RFFL: variants seen among roughly 807,000 people sequenced by gnomAD.
RFFL encodes the protein ring finger and FYVE like domain containing E3 ubiquitin protein ligase.
Under a neutral mutation model 40.4 loss-of-function variants are expected in RFFL, and 16 were observed. The observed-to-expected ratio is 0.40, with a 90% CI of 0.27 to 0.60. The LOEUF is 0.60. Ranked by LOEUF, RFFL falls within the 20% of genes least tolerant of loss-of-function variation. The probability of loss-of-function intolerance (pLI) is 0.47; values close to 1 mark genes in which losing one functional copy is unlikely to be tolerated. For synonymous variants in RFFL, 154 were observed against 167.9 expected (o/e 0.92, Z 0.64); for missense variants, 367 against 451.7 (o/e 0.81, Z 1.70).
upstream of RFFL, among the ~76,000 whole-genome samples, chr17:35,065,543 A>G (rs2091316131): frequency 6.7e-6 from 1 of 149,616 alleles, no homozygotes; most frequent in Admixed American, 6.7e-5. Context: ...GCAACAACAG[A>G]GCAAAACTTC....
chr17:35,066,763 A>C (rs2091322580), upstream of RFFL, among the ~76,000 whole-genome samples: 1 of 152,086 alleles, frequency 6.6e-6, no homozygotes, highest in Non-Finnish European at 1.5e-5. Context: ...TCTAACTGAG[A>C]AGTCGGTGAA....
chr17:35,047,391 T>A lies in RFFL; in HGVS notation c.-9+16185A>T, dbSNP rs1289321248. The stretch of plus-strand genomic sequence containing the variant: ...TCTGGTGTTATTTAACTCCTTTAAT[T>A]AAAACCTGCTACATTGAAAAGATAA... On this transcript the variant is annotated intron_variant, in intron 1 of 6. Transcript: ENST00000394597. Among the ~76,000 whole-genome samples the A allele has an allele frequency of 3.3e-5, 5 of 152,328 alleles. No individual in the cohort carries two copies. In the East Asian group the frequency reaches 7.7e-4, roughly 23 times the overall value.
intron 1 of RFFL, among the ~76,000 whole-genome samples, chr17:35,028,611 AC>A (rs2091059680): frequency 6.6e-6 from 1 of 152,032 alleles, no homozygotes; most frequent in Non-Finnish European, 1.5e-5. Context: ...AATAAATGAA[AC>A]ATTTAGTGTT....
rs376155923 is a variant in RFFL, at chr17:35,040,451, A to C, written c.-8-13890T>G. On this transcript the variant is annotated intron_variant, in intron 1 of 6. Coordinates refer to ENST00000394597, the MANE Select transcript of RFFL (RefSeq NM_001017368.2). ...ACCCCGTCTCTACTAAAAATATAAAAAATTAGCCAGGCATGGTGGCAGGCA... is the reference window on the plus strand; with the variant it reads ...ACCCCGTCTCTACTAAAAATATAAACAATTAGCCAGGCATGGTGGCAGGCA... Among the ~76,000 whole-genome samples the C allele has an allele frequency of 1.4e-3, 215 of 152,028 alleles. 1 individual carries two copies. Among genetic ancestry groups the C allele is most frequent in the African/African-American group, 5.1e-3 (212 of 41,450 alleles).
rs367556381 is a variant in RFFL at position 35,021,351 on chromosome 17, G to T, written c.591+20C>A. The T allele has an allele frequency of 8.8e-5, 133 of 1,515,628 alleles. No individual in the cohort carries two copies. In the Middle Eastern group the frequency reaches 9.0e-4, roughly 10 times the overall value. The allele number at this position is 1,515,628 out of a possible 1,614,324, so 93.9% of individuals were successfully genotyped here. ...CCTCAAACTGGCACAGACTGGCAGA[G>T]ACTACAAATGGGCCCTTACCTGCTG... On this transcript the variant is annotated intron_variant, in intron 3 of 6. Coordinates refer to ENST00000394597, the MANE Select transcript of RFFL (RefSeq NM_001017368.2).
chr17:35,060,733 C>T (rs1437560709), intron 1 of RFFL, among the ~76,000 whole-genome samples: 1 of 152,090 alleles, frequency 6.6e-6, no homozygotes, highest in African/African-American at 2.4e-5. Context: ...GAATGAAAAA[C>T]CATGCCATCT....
chr17:35,083,735 C>A (rs2091414718), intron 1 of RFFL, among the ~76,000 whole-genome samples: 1 of 149,646 alleles, frequency 6.7e-6, no homozygotes, highest in South Asian at 2.1e-4. Flanking sequence ...GAGCCAAGAT[C>A]ACACCACTGC....
At chr17:35,068,653 C>T (rs552511838), upstream of RFFL, among the ~76,000 whole-genome samples, 13 of 152,222 alleles carry the variant, frequency 8.5e-5, no homozygotes, top group Admixed American at 2.0e-4. Context: ...AAAAGGTATC[C>T]AATATCAAGA....
intron 1 of RFFL, among the ~76,000 whole-genome samples, chr17:35,053,908 A>C (rs190847116): frequency 1.3e-5 from 2 of 152,212 alleles, no homozygotes; most frequent in Admixed American, 6.5e-5. Flanking sequence ...ATAAATTGGC[A>C]TTCCATTCTG....
chr17:35,018,473 T>A (rs2090988376), intron 3 of RFFL, among the ~76,000 whole-genome samples: 1 of 152,178 alleles, frequency 6.6e-6, no homozygotes, highest in Non-Finnish European at 1.5e-5. Flanking sequence ...CTTAAGTAGA[T>A]CCTCTTCGCC....
chr17:35,069,074 C>T (rs577430121), intron 1 of RFFL, among the ~76,000 whole-genome samples: 22 of 152,214 alleles, frequency 1.4e-4, no homozygotes, highest in African/African-American at 5.3e-4. Context: ...ACTACCTTGC[C>T]GCAGTAACCA....
Position 35,016,423 on chromosome 17 carries a change from A to C in RFFL, c.833T>G (p.Leu278Arg). 4 of 1,614,066 alleles carry C rather than the reference A, an allele frequency of 2.5e-6. No individual in the cohort carries two copies. Among genetic ancestry groups the C allele is most frequent in the Non-Finnish European group, 3.4e-6 (4 of 1,179,990 alleles). ...GTATAGCCGGGTCACTCTCTCCATC[A>C]GCTCCCACTTCTCACAGCAGCCCTT... Reference protein sequence around the residue: ...NYKGCCEKWELMERVTRLYKD... With the variant: ...NYKGCCEKWERMERVTRLYKD... Residue 278 changes from leucine (L) to arginine (R), a missense_variant, in exon 5 of 7, where the codon CTG becomes CGG. Transcript: ENST00000394597.
At chr17:35,028,912 C>T (rs1485515909) in intron 1 of RFFL, among the ~76,000 whole-genome samples, 2 of 152,012 alleles carry the variant, frequency 1.3e-5, no homozygotes, top group African/African-American at 4.8e-5. Flanking sequence ...TGATTAACAC[C>T]TGTCTCCCCA....
intron 6 of RFFL, among the ~76,000 whole-genome samples, chr17:35,012,723 A>G (rs2090948704): frequency 6.6e-6 from 1 of 152,204 alleles, no homozygotes; most frequent in African/African-American, 2.4e-5. Context: ...TTCCTGGTGG[A>G]GAAACTTGGC....
intron 1 of RFFL, among the ~76,000 whole-genome samples, chr17:35,045,902 C>T (rs1391901378): frequency 6.6e-6 from 1 of 151,502 alleles, no homozygotes; most frequent in Non-Finnish European, 1.5e-5. Flanking sequence ...TGTATATGCC[C>T]ATAGTCCCAG....
chr17:35,081,333 A>G (rs2091402154), intron 1 of RFFL, among the ~76,000 whole-genome samples: 1 of 152,210 alleles, frequency 6.6e-6, no homozygotes, highest in Admixed American at 6.5e-5. Context: ...TCTGTGAAAC[A>G]TATAGAAAAA....
chr17:35,038,428 G>T (rs901071430), intron 1 of RFFL, among the ~76,000 whole-genome samples: 8 of 152,138 alleles, frequency 5.3e-5, no homozygotes, highest in African/African-American at 1.9e-4. Context: ...TCTTTCCATG[G>T]CTTTGCAATT....
chr17:35,014,505 G>C (rs947440354), intron 6 of RFFL, among the ~76,000 whole-genome samples: 1 of 152,132 alleles, frequency 6.6e-6, no homozygotes, highest in Non-Finnish European at 1.5e-5. Flanking sequence ...GTAGCCCAGG[G>C]ACATGCACAT....
At chr17:35,027,724 CAAAAA>C (rs34594614) in intron 1 of RFFL, among the ~76,000 whole-genome samples, 1 of 90,316 alleles carries the variant, frequency 1.1e-5, no homozygotes, top group Non-Finnish European at 2.0e-5. Context: ...AACTCCGTCT[CAAAAA>C]AAAAAAAAAA....
Sources: gnomAD v4.1 joint callset for allele counts (sites outside exome capture counted in the v4.1 genomes callset) on GRCh38, gnomAD v4.1.1 for gene constraint, MANE v1.5 for transcripts, NCBI Gene and HGNC (gene_info 2026-07-23, HGNC 2026-07-21) for gene names.